Variants in ATRNL1 observed in about 807,000 individuals in gnomAD.
The protein encoded by ATRNL1 is attractin like 1, also known as attractin-like protein 1.
ATRNL1 carries 95 observed loss-of-function variants against 182.7 expected under a neutral mutation model. The observed-to-expected ratio is 0.52, with a 90% CI of 0.44 to 0.62. The LOEUF is 0.62. ATRNL1 is among the 20% of genes least tolerant of loss of function. The pLI is 0.00. For synonymous variants in ATRNL1, 576 were observed against 568.3 expected, an observed-to-expected ratio of 1.01 and a Z score of -0.19; for missense variants, 1,471 against 1,679.5, an observed-to-expected ratio of 0.88 and a Z score of 2.17.
intron 25 of ATRNL1, among the ~76,000 whole-genome samples, chr10:115,545,715 A>G (rs1234627895): frequency 3.9e-5 from 6 of 152,208 alleles, no homozygotes; most frequent in Non-Finnish European, 7.3e-5. Flanking sequence ...ATAAAAATAC[A>G]TTTTGGTATT....
At position 115,121,810 on chromosome 10, in the gene ATRNL1, T is replaced by C; in HGVS notation, c.489T>C (p.Leu163=). 7.2e-7 allele frequency: 1 copy of C among 1,394,610 alleles called. No individual in the cohort carries two copies. The highest frequency in any genetic ancestry group is 9.9e-7 in the Non-Finnish European group (1 of 1,009,358). 86.4% of individuals were successfully genotyped at this position (1,394,610 alleles called of 1,614,324 possible). A position where few individuals can be genotyped will look rare whatever the true frequency, so the allele number is the denominator to read the frequency against. Residue 163 remains leucine (L), a splice_region_variant and synonymous_variant, in exon 3 of 29, where the codon CTT becomes CTC. Coordinates refer to ENST00000355044, the MANE Select transcript of ATRNL1 (RefSeq NM_207303.4). ...DSIYAPLIAV[L]SGLIVPEIRG... ...TATATGCACCTTTAATAGCTGTACT[T>C]AGGTGAGTAATTATATTTAATCAGT...
At chr10:115,210,438 C>T (rs114247984) in intron 8 of ATRNL1, among the ~76,000 whole-genome samples, 1,781 of 151,904 alleles carry the variant, frequency 0.012, 33 homozygotes, top group African/African-American at 0.04. Context: ...TAGTTCTTCA[C>T]CCCAAAGATC....
intron 25 of ATRNL1, among the ~76,000 whole-genome samples, chr10:115,524,815 A>G (rs1484168067): frequency 1.3e-5 from 2 of 152,106 alleles, no homozygotes; most frequent in Admixed American, 1.3e-4. Flanking sequence ...ATGTGCCCCC[A>G]CCCCATGAAC....
intron 17 of ATRNL1, among the ~76,000 whole-genome samples, chr10:115,303,480 C>A (rs1042140148): frequency 3.3e-5 from 5 of 152,092 alleles, no homozygotes; most frequent in African/African-American, 4.8e-5. Context: ...CTCGGCCTCC[C>A]AAAGTTCTGG....
intron 19 of ATRNL1, among the ~76,000 whole-genome samples, chr10:115,381,353 G>C (rs1488458632): frequency 6.6e-6 from 1 of 150,952 alleles, no homozygotes; most frequent in Admixed American, 6.6e-5. Context: ...TGCAACTTCT[G>C]CCTCCCAGGT....
At chr10:115,169,090 C>G (rs1163856200) in intron 7 of ATRNL1, among the ~76,000 whole-genome samples, 1 of 140,074 alleles carries the variant, frequency 7.1e-6, no homozygotes, top group African/African-American at 2.7e-5. Context: ...TTTCTTTTGT[C>G]TTTGAATGGT....
At chr10:115,309,961 C>T (rs1318152032) in intron 17 of ATRNL1, among the ~76,000 whole-genome samples, 1 of 152,044 alleles carries the variant, frequency 6.6e-6, no homozygotes, top group Admixed American at 6.6e-5. Flanking sequence ...AACATTTCCC[C>T]ATTCACTGTT....
At position 115,228,111 on chromosome 10, in the gene ATRNL1, A is replaced by G. The variant is rs1024449296; in HGVS notation, c.1532+12231A>G. On this transcript the variant is annotated intron_variant, in intron 9 of 28. Transcript: ENST00000355044. ...GTTCAATTTGACTTCTTATATGCTA[A>G]AAGATTATGATAATTTGACATACCA... Among the ~76,000 whole-genome samples, 5 of 152,282 alleles carry G rather than the reference A, an allele frequency of 3.3e-5. No individual in the cohort carries two copies. The South Asian group carries it at 1.0e-3, about 32-fold the overall frequency.
In ATRNL1 at chr10:115,554,323, C is replaced by T. The variant is rs938097538; in HGVS notation, c.3795+4787C>T. On this transcript the variant is annotated intron_variant, in intron 26 of 28. Coordinates refer to ENST00000355044, the MANE Select transcript of ATRNL1 (RefSeq NM_207303.4). ...GAGACTAGAAATTACAGGTCTTCCG[C>T]ATGCCTATTGCATTATCATACTTTC... 4.0e-5 allele frequency among the ~76,000 whole-genome samples: 6 copies of T among 151,546 alleles called. No homozygotes were observed. In the East Asian group the frequency reaches 1.2e-3, roughly 29 times the overall value.
chr10:115,096,758 T>G (rs2085021208), intron 1 of ATRNL1: 1 of 1,272,518 alleles, frequency 7.9e-7, no homozygotes, highest in Admixed American at 2.4e-5. Flanking sequence ...ACTTCAGTTC[T>G]CTTAGCATTG....
intron 26 of ATRNL1, among the ~76,000 whole-genome samples, chr10:115,641,881 TC>T (rs1859267939): frequency 6.6e-6 from 1 of 151,922 alleles, no homozygotes; most frequent in African/African-American, 2.4e-5. Flanking sequence ...CATGTAATAA[TC>T]ATAGACTTAT....
At chr10:115,913,359 G>T (rs541576831) in intron 28 of ATRNL1, among the ~76,000 whole-genome samples, 61 of 152,132 alleles carry the variant, frequency 4.0e-4, no homozygotes, top group Non-Finnish European at 7.6e-4. Context: ...ACCCCTGCAG[G>T]GTAGCCCTAT....
intron 26 of ATRNL1, among the ~76,000 whole-genome samples, chr10:115,717,265 G>GTTC (rs1947282010): frequency 6.6e-6 from 1 of 152,048 alleles, no homozygotes; most frequent in South Asian, 2.1e-4. Flanking sequence ...TTTGTTCCAG[G>GTTC]CTAATTCTAA....
At chr10:115,237,384 A>G (rs1029017736) in intron 9 of ATRNL1, among the ~76,000 whole-genome samples, 1 of 152,146 alleles carries the variant, frequency 6.6e-6, no homozygotes, top group Non-Finnish European at 1.5e-5. Context: ...GTTGCTCTAG[A>G]TCGTTGCCAT....
At chr10:115,521,447 C>G (rs1656833329) in intron 25 of ATRNL1, among the ~76,000 whole-genome samples, 1 of 152,084 alleles carries the variant, frequency 6.6e-6, no homozygotes, top group Non-Finnish European at 1.5e-5. Context: ...GCCACCATGC[C>G]TGGTCTAAAA....
chr10:115,589,690 G>A (rs1555011578), intron 26 of ATRNL1, among the ~76,000 whole-genome samples: 1 of 151,996 alleles, frequency 6.6e-6, no homozygotes, highest in African/African-American at 2.4e-5. Flanking sequence ...CAAAAATTTA[G>A]CAAATCTCAT....
At chr10:115,670,072 G>C (rs1271820547) in intron 26 of ATRNL1, among the ~76,000 whole-genome samples, 1 of 152,048 alleles carries the variant, frequency 6.6e-6, no homozygotes, top group African/African-American at 2.4e-5. Flanking sequence ...TCAGACTCTG[G>C]AGCCAGAGAA....
intron 8 of ATRNL1, among the ~76,000 whole-genome samples, chr10:115,171,879 C>T (rs768221469): frequency 1.3e-5 from 2 of 151,982 alleles, no homozygotes; most frequent in Non-Finnish European, 2.9e-5. Flanking sequence ...TTATTTATAA[C>T]ATTTTTAAAA....
At chr10:115,257,460 T>A (rs1288021707) in intron 10 of ATRNL1, among the ~76,000 whole-genome samples, 1 of 152,248 alleles carries the variant, frequency 6.6e-6, no homozygotes, top group Non-Finnish European at 1.5e-5. Flanking sequence ...TCCCTACTTT[T>A]TTTTGCTTTC....
Sources: allele counts gnomAD v4.1 joint callset (sites outside exome capture counted in the v4.1 genomes callset), GRCh38; gene constraint gnomAD v4.1.1; transcripts MANE v1.5; gene names NCBI Gene and HGNC (gene_info 2026-07-23, HGNC 2026-07-21).